GPR158: variants seen among roughly 807,000 people sequenced by gnomAD.
GPR158 encodes G protein-coupled receptor 158.
A neutral mutation model predicts 78.2 loss-of-function variants in GPR158; 30 were observed. That is an observed-to-expected ratio of 0.38 (90% CI 0.29 to 0.52). The LOEUF is 0.52. GPR158 is among the 20% of genes least tolerant of loss of function. GPR158 has a pLI of 0.83. For synonymous variants in GPR158, 581 were observed against 591.1 expected, an observed-to-expected ratio of 0.98 and a Z score of 0.25; for missense variants, 1,463 against 1,523.5, an observed-to-expected ratio of 0.96 and a Z score of 0.66.
chr10:25,325,399 T>C (rs1855015608), intron 2 of GPR158, among the ~76,000 whole-genome samples: 1 of 152,218 alleles, frequency 6.6e-6, no homozygotes, highest in African/African-American at 2.4e-5. Flanking sequence ...AAGACCAAGC[T>C]GAATAGTATT....
At chr10:25,467,807 G>A (rs1044403209) in intron 5 of GPR158, among the ~76,000 whole-genome samples, 4 of 152,144 alleles carry the variant, frequency 2.6e-5, no homozygotes, top group African/African-American at 9.7e-5. Context: ...TAACAGTTCT[G>A]CATTGCTGAT....
At chr10:25,551,129 C>A (rs1192334716) in intron 6 of GPR158, 44 bp downstream of exon 6, 1 of 1,096,806 alleles carries the variant, frequency 9.1e-7, no homozygotes, top group Non-Finnish European at 1.4e-6. Flanking sequence ...AAAGATCAAA[C>A]TAATCAGCTT....
chr10:25,487,786 G>T (rs565836508), intron 5 of GPR158, among the ~76,000 whole-genome samples: 11 of 152,160 alleles, frequency 7.2e-5, no homozygotes, highest in Non-Finnish European at 1.5e-4. Context: ...ACAAGAAAAA[G>T]GAAAAGCATT....
chr10:25,412,449 G>A lies in GPR158; in HGVS notation c.1311G>A (p.Val437=). The change falls in exon 4 of 11, where the codon GTG becomes GTA. Residue 437 remains valine, a synonymous_variant. Transcript: ENST00000376351. ...TGCTCGACTTCGTTAGCATGCTGGTGGTCTACCACTTTCGCAAAGCAAAGG... is the reference window on the plus strand; with the variant it reads ...TGCTCGACTTCGTTAGCATGCTGGTAGTCTACCACTTTCGCAAAGCAAAGG... The part of the protein sequence containing the change: ...CMLLDFVSML[V]VYHFRKAKSI... The A allele has an allele frequency of 6.2e-7, 1 of 1,613,732 alleles. No individual in the cohort carries two copies. The highest frequency in any genetic ancestry group is 8.5e-7 in the Non-Finnish European group (1 of 1,179,706).
At position 25,598,750 on chromosome 10, in the gene GPR158, T is replaced by G. The variant is rs1213069942; in HGVS notation, c.3124T>G (p.Phe1042Val). 4.3e-6 allele frequency: 7 copies of G among 1,614,052 alleles called. No homozygotes were observed. Among genetic ancestry groups the G allele is most frequent in the Non-Finnish European group, 5.1e-6 (6 of 1,180,000 alleles). ...VASEMEKNPT[F>V]SLKEKSHHKP... is the part of the protein sequence containing the mutation. The stretch of plus-strand genomic sequence containing the variant: ...TTCTGAAATGGAGAAAAACCCCACT[T>G]TTTCCTTAAAGGAGAAATCTCACCA... Residue 1042 changes from phenylalanine to valine, a missense_variant, in exon 11 of 11, where the codon TTT becomes GTT. Physicochemically the swap from Phe to Val is conservative, Grantham distance 50. Coordinates refer to ENST00000376351, the MANE Select transcript of GPR158 (RefSeq NM_020752.3).
At chr10:25,376,024 T>A (rs1372193015) in intron 2 of GPR158, among the ~76,000 whole-genome samples, 1 of 151,622 alleles carries the variant, frequency 6.6e-6, no homozygotes, top group Admixed American at 6.6e-5. Context: ...ACATAGTATG[T>A]CTCCTCATTT....
intron 7 of GPR158, among the ~76,000 whole-genome samples, chr10:25,576,845 G>A (rs1315335154): frequency 6.6e-6 from 1 of 152,000 alleles, no homozygotes; most frequent in Non-Finnish European, 1.5e-5. Context: ...AGAGTGCAGG[G>A]ACCAAGAAGA....
chr10:25,357,557 C>T (rs2130528483), intron 2 of GPR158, among the ~76,000 whole-genome samples: 1 of 152,234 alleles, frequency 6.6e-6, no homozygotes, highest in South Asian at 2.1e-4. Context: ...CAAGGTACAG[C>T]TCAGGCTGTG....
At chr10:25,557,402 T>A (rs1170366200) in intron 6 of GPR158, among the ~76,000 whole-genome samples, 1 of 152,160 alleles carries the variant, frequency 6.6e-6, no homozygotes, top group Non-Finnish European at 1.5e-5. Context: ...CAGCTTATCA[T>A]TAGGAATGGC....
intron 2 of GPR158, among the ~76,000 whole-genome samples, chr10:25,359,878 A>G (rs1341632515): frequency 6.6e-6 from 1 of 152,184 alleles, no homozygotes; most frequent in Non-Finnish European, 1.5e-5. Flanking sequence ...ACTCCCACCA[A>G]CAGTGTAAAA....
chr10:25,584,131 C>G (rs947804219), intron 7 of GPR158, among the ~76,000 whole-genome samples: 43 of 121,504 alleles, frequency 3.5e-4, no homozygotes, highest in Non-Finnish European at 7.0e-4. Flanking sequence ...GAAAGGATCT[C>G]GAAATATAAA....
intron 2 of GPR158, among the ~76,000 whole-genome samples, chr10:25,303,724 G>T (rs540719317): frequency 1.3e-5 from 2 of 152,252 alleles, no homozygotes; most frequent in South Asian, 4.1e-4. Context: ...CCTGGAGAAA[G>T]GCAATATGTT....
intron 2 of GPR158, among the ~76,000 whole-genome samples, chr10:25,380,009 A>G (rs1472883550): frequency 1.3e-5 from 2 of 150,832 alleles, no homozygotes; most frequent in African/African-American, 4.9e-5. Context: ...AGATGTTCTA[A>G]TTGTTTTGGT....
intron 7 of GPR158, among the ~76,000 whole-genome samples, chr10:25,581,986 G>A (rs1266254486): frequency 2.0e-4 from 30 of 152,272 alleles, no homozygotes; most frequent in Non-Finnish European, 5.9e-5. Flanking sequence ...AATGGCGGCA[G>A]GCAACGAGAG....
chr10:25,491,666 A>G (rs1835810733), intron 5 of GPR158, among the ~76,000 whole-genome samples: 1 of 152,210 alleles, frequency 6.6e-6, no homozygotes, highest in South Asian at 2.1e-4. Flanking sequence ...CTTATTTTAG[A>G]AAAATTAGGA....
At chr10:25,287,199 G>C (rs1241867835) in intron 2 of GPR158, among the ~76,000 whole-genome samples, 2 of 151,408 alleles carry the variant, frequency 1.3e-5, no homozygotes, top group Non-Finnish European at 2.9e-5. Flanking sequence ...AGCTTCTGTT[G>C]ATTTTCCACT....
intron 2 of GPR158, among the ~76,000 whole-genome samples, chr10:25,322,348 T>A (rs1224238283): frequency 6.7e-6 from 1 of 149,806 alleles, no homozygotes; most frequent in Non-Finnish European, 1.5e-5. Flanking sequence ...GCCACTGCAC[T>A]CCAGCCTGGG....
chr10:25,571,121 G>A (rs539014898), intron 6 of GPR158, among the ~76,000 whole-genome samples: 17 of 142,848 alleles, frequency 1.2e-4, no homozygotes, highest in African/African-American at 1.4e-4. Flanking sequence ...CAGTGTTAGC[G>A]TTCACTATGA....
At chr10:25,267,554 T>C (rs10508691) in intron 2 of GPR158, among the ~76,000 whole-genome samples, 9,091 of 152,174 alleles carry the variant, frequency 0.06, 818 homozygotes, top group African/African-American at 0.2. Context: ...TAAACATTTT[T>C]GAGCACAGGA....
Sources: allele counts gnomAD v4.1 joint callset (sites outside exome capture counted in the v4.1 genomes callset), GRCh38; gene constraint gnomAD v4.1.1; transcripts MANE v1.5; gene names NCBI Gene and HGNC (gene_info 2026-07-23, HGNC 2026-07-21).